The following BOC variants were observed in gnomAD, a reference collection of about 807,000 sequenced individuals.
The protein encoded by BOC is brother of CDO.
In BOC, 76 loss-of-function variants were observed where a neutral mutation model predicts 112.0. The observed-to-expected ratio is 0.68, with a 90% CI of 0.56 to 0.82. BOC has a LOEUF of 0.82. BOC is among the 40% of genes least tolerant of loss of function. The pLI is 0.00. For synonymous variants in BOC, 580 were observed against 599.8 expected (o/e 0.97, Z 0.48); for missense variants, 1,309 against 1,511.7 (o/e 0.87, Z 2.22).
chr3:113,284,903 C>G, intron 18 of BOC, 45 bp downstream of exon 18: 2 of 1,564,716 alleles, frequency 1.3e-6, no homozygotes, highest in East Asian at 2.2e-5. Context: ...CACAGCCTCA[C>G]TTTCCCTTTA....
chr3:113,220,475 C>T (rs933876737), intron 2 of BOC, among the ~76,000 whole-genome samples: 1 of 152,146 alleles, frequency 6.6e-6, no homozygotes, highest in East Asian at 1.9e-4. Context: ...ATGCTGCCTA[C>T]TCGAACATTA....
chr3:113,229,682 C>T (rs1001265219), intron 2 of BOC, among the ~76,000 whole-genome samples: 2 of 152,100 alleles, frequency 1.3e-5, no homozygotes, highest in South Asian at 4.2e-4. Context: ...TGTTTTCTTC[C>T]TTAAAATGTA....
intron 2 of BOC, among the ~76,000 whole-genome samples, chr3:113,222,364 A>G (rs1940856972): frequency 1.3e-5 from 2 of 152,224 alleles, no homozygotes; most frequent in South Asian, 4.1e-4. Context: ...AAAATGAAAT[A>G]ATTACATATA....
intron 4 of BOC, among the ~76,000 whole-genome samples, chr3:113,255,269 G>C (rs1017928872): frequency 6.6e-6 from 1 of 152,018 alleles, no homozygotes; most frequent in South Asian, 2.1e-4. Flanking sequence ...ACACAGCTCA[G>C]CTGTTCCCAG....
At chr3:113,219,712 G>A (rs1484398344) in intron 2 of BOC, among the ~76,000 whole-genome samples, 2 of 152,186 alleles carry the variant, frequency 1.3e-5, no homozygotes, top group African/African-American at 4.8e-5. Context: ...ATTTAAAACT[G>A]GGACTACAGC....
At chr3:113,235,329 G>A (rs1306371242) in intron 2 of BOC, among the ~76,000 whole-genome samples, 1 of 152,218 alleles carries the variant, frequency 6.6e-6, no homozygotes, top group African/African-American at 2.4e-5. Context: ...GAGGGATGGA[G>A]AAAAAGAACA....
At chr3:113,239,296 A>G (rs982108957) in intron 2 of BOC, among the ~76,000 whole-genome samples, 1 of 152,226 alleles carries the variant, frequency 6.6e-6, no homozygotes, top group Non-Finnish European at 1.5e-5. Flanking sequence ...GCAGAGGTAG[A>G]GTCCATACAA....
intron 4 of BOC, among the ~76,000 whole-genome samples, chr3:113,253,510 G>A (rs879839977): frequency 6.6e-6 from 1 of 151,814 alleles, no homozygotes; most frequent in African/African-American, 2.4e-5. Context: ...AGGCTGGGGT[G>A]AGCCAGTCTC....
At chr3:113,248,927 C>T (rs530842307) in intron 2 of BOC, among the ~76,000 whole-genome samples, 6 of 150,776 alleles carry the variant, frequency 4.0e-5, no homozygotes, top group South Asian at 4.2e-4. Flanking sequence ...TTTGTAGAGA[C>T]GGAAAAGTTC....
At chr3:113,235,606 A>G (rs1338997120) in intron 2 of BOC, among the ~76,000 whole-genome samples, 1 of 152,122 alleles carries the variant, frequency 6.6e-6, no homozygotes, top group Non-Finnish European at 1.5e-5. Context: ...TAAGTGGGGG[A>G]AGGTGAAGAG....
At chr3:113,284,714 T>TC (rs1282183082) in intron 17 of BOC, 68 bp from the exon 18 acceptor site, 9 of 1,535,164 alleles carry the variant, frequency 5.9e-6, no homozygotes, top group Non-Finnish European at 7.2e-6. Flanking sequence ...CTCCTGTTGT[T>TC]GAGTGAAGAC....
intron 4 of BOC, among the ~76,000 whole-genome samples, chr3:113,258,071 C>T (rs190776039): frequency 6.6e-6 from 1 of 152,264 alleles, no homozygotes; most frequent in East Asian, 1.9e-4. Context: ...AATGGGAGCT[C>T]GGAGGCTAGC....
intron 4 of BOC, among the ~76,000 whole-genome samples, chr3:113,266,874 C>T (rs1299592433): frequency 3.3e-5 from 5 of 152,194 alleles, no homozygotes; most frequent in Non-Finnish European, 5.9e-5. Flanking sequence ...AGTTCCATTA[C>T]GTGGGAAGCC....
At chr3:113,286,619 G>C (rs966727893) in intron 19 of BOC, 56 bp from the exon 20 acceptor site, 22 of 1,412,398 alleles carry the variant, frequency 1.6e-5, no homozygotes, top group Non-Finnish European at 2.0e-5. Context: ...GTGTCACTGG[G>C]TGTTGGCTCC....
chr3:113,258,158 G>C (rs564486226), intron 4 of BOC, among the ~76,000 whole-genome samples: 3 of 152,194 alleles, frequency 2.0e-5, no homozygotes, highest in Non-Finnish European at 4.4e-5. Context: ...AGACAACCTT[G>C]ATTTTTAATT....
intron 2 of BOC, among the ~76,000 whole-genome samples, chr3:113,238,695 G>A (rs1943892735): frequency 6.6e-6 from 1 of 152,192 alleles, no homozygotes; most frequent in South Asian, 2.1e-4. Flanking sequence ...CTCACCCTGA[G>A]ATTTATCATC....
chr3:113,252,670 T>C (rs1250440259), intron 4 of BOC, among the ~76,000 whole-genome samples: 1 of 152,196 alleles, frequency 6.6e-6, no homozygotes, highest in Admixed American at 6.5e-5. Flanking sequence ...AGGCCTGCCC[T>C]TTTCTCAGAG....
intron 2 of BOC, among the ~76,000 whole-genome samples, chr3:113,243,696 G>C (rs1313653882): frequency 6.6e-6 from 1 of 152,096 alleles, no homozygotes; most frequent in Non-Finnish European, 1.5e-5. Flanking sequence ...TTCCCACCAA[G>C]TCAGTATCAC....
At chr3:113,259,122 A>G (rs911349239) in intron 4 of BOC, among the ~76,000 whole-genome samples, 1 of 152,196 alleles carries the variant, frequency 6.6e-6, no homozygotes, top group African/African-American at 2.4e-5. Context: ...GCATCTTGGC[A>G]GCAAATGTCT....
Sources: gnomAD v4.1 joint callset for allele counts (sites outside exome capture counted in the v4.1 genomes callset) on GRCh38, gnomAD v4.1.1 for gene constraint, MANE v1.5 for transcripts, NCBI Gene and HGNC (gene_info 2026-07-23, HGNC 2026-07-21) for gene names.